Variants in TBCK observed in about 807,000 individuals in gnomAD.
TBCK encodes the protein TBC1 domain containing kinase, also known as TBC domain-containing protein kinase-like protein.
A neutral mutation model predicts 113.4 loss-of-function variants in TBCK; 99 were observed. That is an observed-to-expected ratio of 0.87 (90% CI 0.74 to 1.03). The LOEUF is 1.03. Ranked by LOEUF, TBCK falls within the 50% of genes least tolerant of loss-of-function variation. The pLI is 0.00. For missense variants in TBCK, 1,045 were observed against 1,061.3 expected, an observed-to-expected ratio of 0.98 and a Z score of 0.21; for synonymous variants, 369 against 370.8, an observed-to-expected ratio of 1.00 and a Z score of 0.05.
chr4:106,236,182 T>A (rs1042749459), intron 14 of TBCK, among the ~76,000 whole-genome samples: 3 of 152,030 alleles, frequency 2.0e-5, no homozygotes, highest in African/African-American at 7.2e-5. Context: ...TAACATGATT[T>A]TGCATATGTT....
chr4:106,224,315 C>CG (rs1553965792), intron 19 of TBCK, among the ~76,000 whole-genome samples: 3 of 150,084 alleles, frequency 2.0e-5, no homozygotes, highest in Non-Finnish European at 4.4e-5. Flanking sequence ...GTAATAATAA[C>CG]TTTTTTTTTT....
Position 106,140,004 on chromosome 4 carries a change from T to C in TBCK, c.2236-23626A>G, listed in dbSNP as rs539685164. Among the ~76,000 whole-genome samples the C allele has an allele frequency of 2.8e-5, 4 of 141,244 alleles. 1 individual carries two copies. Among genetic ancestry groups the C allele is most frequent in the Admixed American group, 1.4e-4 (2 of 14,324 alleles). The allele number at this position is 141,244 out of a possible 152,430, so 92.7% of individuals were successfully genotyped here. On this transcript the variant is annotated intron_variant, in intron 23 of 25. Coordinates refer to ENST00000394708, the MANE Select transcript of TBCK (RefSeq NM_001163435.3). ...TAATGAATTAAAATTATCAGCTATA[T>C]AATAAGTGAATTGTAATAGATGTAT... is the stretch of plus-strand genomic sequence containing the variant.
At chr4:106,113,402 A>G (rs981277506) in intron 24 of TBCK, among the ~76,000 whole-genome samples, 4 of 152,248 alleles carry the variant, frequency 2.6e-5, no homozygotes, top group Non-Finnish European at 5.9e-5. Flanking sequence ...ATAAATTTCA[A>G]TTAGCTGTAG....
At chr4:106,174,772 T>G (rs753297153) in intron 22 of TBCK, among the ~76,000 whole-genome samples, 1 of 152,142 alleles carries the variant, frequency 6.6e-6, no homozygotes, top group Non-Finnish European at 1.5e-5. Flanking sequence ...CTGTGAGATT[T>G]CCTAAATTTT....
intron 1 of TBCK, among the ~76,000 whole-genome samples, chr4:106,309,407 G>A (rs1246366758): frequency 6.7e-6 from 1 of 149,258 alleles, no homozygotes; most frequent in Non-Finnish European, 1.5e-5. Flanking sequence ...CTGCCTCCCG[G>A]GTTCAAGCAA....
intron 3 of TBCK, among the ~76,000 whole-genome samples, chr4:106,293,276 G>T (rs975592322): frequency 6.6e-6 from 1 of 152,080 alleles, no homozygotes; most frequent in Non-Finnish European, 1.5e-5. Flanking sequence ...TCTTTGTGAA[G>T]CAGGGTTTTC....
chr4:106,206,240 G>T (rs1186701051), intron 20 of TBCK, among the ~76,000 whole-genome samples: 1 of 152,000 alleles, frequency 6.6e-6, no homozygotes, highest in African/African-American at 2.4e-5. Flanking sequence ...CAGATGTGGG[G>T]GTAATGCAAA....
intron 24 of TBCK, among the ~76,000 whole-genome samples, chr4:106,115,209 G>A (rs944993389): frequency 5.3e-5 from 8 of 152,116 alleles, no homozygotes; most frequent in African/African-American, 1.9e-4. Context: ...TCTAAAATCT[G>A]AAATGCTCCA....
At chr4:106,118,591 GC>G (rs1743854418) in intron 23 of TBCK, among the ~76,000 whole-genome samples, 1 of 152,112 alleles carries the variant, frequency 6.6e-6, no homozygotes, top group Non-Finnish European at 1.5e-5. Context: ...ATTTTTTCCA[GC>G]CTTCACATGA....
chr4:106,077,897 C>T (rs1213216586), intron 25 of TBCK, among the ~76,000 whole-genome samples: 1 of 152,100 alleles, frequency 6.6e-6, no homozygotes, highest in Non-Finnish European at 1.5e-5. Context: ...CAATGACATG[C>T]TAAACCATAA....
chr4:106,071,235 A>G (rs902738766), intron 25 of TBCK, among the ~76,000 whole-genome samples: 2 of 152,150 alleles, frequency 1.3e-5, no homozygotes, highest in Non-Finnish European at 2.9e-5. Flanking sequence ...GTGGGCATTT[A>G]GTGCTATAAA....
intron 25 of TBCK, among the ~76,000 whole-genome samples, chr4:106,084,847 C>T (rs767768555): frequency 2.6e-5 from 4 of 152,038 alleles, no homozygotes; most frequent in Admixed American, 6.6e-5. Flanking sequence ...GCTTCATAAG[C>T]GGAGGAGAGA....
At chr4:106,161,700 C>CTGTGTG (rs35152957) in intron 23 of TBCK, among the ~76,000 whole-genome samples, 2 of 146,360 alleles carry the variant, frequency 1.4e-5, no homozygotes, top group Non-Finnish European at 3.0e-5. Context: ...TTAGGTGTGT[C>CTGTGTG]TGTGTGTGTG....
chr4:106,101,807 CCT>C lies in TBCK; in HGVS notation c.2412-6168_2412-6167del, dbSNP rs79164748. 1.8e-4 allele frequency among the ~76,000 whole-genome samples: 28 copies of C among 152,170 alleles called. 1 individual carries two copies. In the East Asian group the frequency reaches 5.4e-3, roughly 29 times the overall value. ...TGGATCCACAATTACATGACTAAGACCTCTCTTAATATGAACTTCCAAGAAAA... is the reference window on the plus strand; with the variant it reads ...TGGATCCACAATTACATGACTAAGACCTCTTAATATGAACTTCCAAGAAAA... On this transcript the variant is annotated intron_variant, in intron 24 of 25. Coordinates refer to ENST00000394708, the MANE Select transcript of TBCK (RefSeq NM_001163435.3).
intron 25 of TBCK, among the ~76,000 whole-genome samples, chr4:106,074,012 G>A (rs191710500): frequency 3.3e-5 from 5 of 152,246 alleles, no homozygotes; most frequent in South Asian, 2.1e-4. Context: ...TTCCTGGTAC[G>A]GTCTGTCATG....
chr4:106,195,352 A>G (rs540235244), intron 20 of TBCK, among the ~76,000 whole-genome samples: 1 of 152,122 alleles, frequency 6.6e-6, no homozygotes, highest in Non-Finnish European at 1.5e-5. Context: ...GCTAATCCAA[A>G]TGCAATGCTG....
At chr4:106,050,936 C>T (rs1734735872) in intron 25 of TBCK, among the ~76,000 whole-genome samples, 1 of 151,934 alleles carries the variant, frequency 6.6e-6, no homozygotes, top group Admixed American at 6.6e-5. Flanking sequence ...TCAGGCACAC[C>T]TTAATACAGC....
At chr4:106,226,264 T>G (rs1758235208) in intron 19 of TBCK, among the ~76,000 whole-genome samples, 1 of 152,212 alleles carries the variant, frequency 6.6e-6, no homozygotes, top group South Asian at 2.1e-4. Context: ...ATCTGAGATA[T>G]GAAACAGTAG....
chr4:106,295,298 T>C, intron 2 of TBCK, 132 bp from the exon 3 acceptor site: 1 of 574,348 alleles, frequency 1.7e-6, no homozygotes, highest in East Asian at 2.8e-5. Context: ...TCAAACTCTA[T>C]ATTAACTACA....
Sources: allele counts gnomAD v4.1 joint callset (sites outside exome capture counted in the v4.1 genomes callset), GRCh38; gene constraint gnomAD v4.1.1; transcripts MANE v1.5; gene names NCBI Gene and HGNC (gene_info 2026-07-23, HGNC 2026-07-21).